CHRNA9: variants seen among roughly 807,000 people sequenced by gnomAD.
CHRNA9 encodes the protein cholinergic receptor nicotinic alpha 9 subunit.
Under a neutral mutation model 36.8 loss-of-function variants are expected in CHRNA9, and 24 were observed. The ratio of observed to expected loss-of-function variants is 0.65; its 90% CI spans 0.47 to 0.92. The LOEUF is 0.92. CHRNA9 is among the 40% of genes least tolerant of loss of function. The probability of loss-of-function intolerance (pLI) is 0.00; values close to 1 mark genes in which losing one functional copy is unlikely to be tolerated. For missense variants in CHRNA9, 610 were observed against 601.2 expected (o/e 1.01, Z -0.15); for synonymous variants, 231 against 231.8 (o/e 1.00, Z 0.03).
chr4:40,352,515 G>A (rs867645581), intron 4 of CHRNA9, among the ~76,000 whole-genome samples: 12 of 152,228 alleles, frequency 7.9e-5, no homozygotes, highest in South Asian at 2.1e-4. Context: ...GTGAGCCACC[G>A]TGCCCGACTA....
rs745853250 is a variant in CHRNA9 at position 40,349,240 on chromosome 4, G to A, written c.724G>A (p.Val242Ile). ...LLKRRSSFYIVNLLIPCVLIS... is the reference protein window; with the variant it reads ...LLKRRSSFYIINLLIPCVLIS... ...GAAGAGGAGGTCCTCGTTCTATATC[G>A]TCAACCTCCTCATCCCATGCGTCCT... The change falls in exon 4 of 5, where the codon GTC (valine) becomes ATC (isoleucine). Residue 242 changes from valine to isoleucine, a missense_variant. By Grantham distance (29) the Val-to-Ile change is conservative. Transcript: ENST00000310169. 26 of 1,613,946 alleles carry A rather than the reference G, an allele frequency of 1.6e-5. No homozygotes were observed. The highest frequency in any genetic ancestry group is 2.7e-5 in the African/African-American group (2 of 74,876).
At chr4:40,341,829 T>C (rs1053973891) in intron 3 of CHRNA9, among the ~76,000 whole-genome samples, 1 of 152,240 alleles carries the variant, frequency 6.6e-6, no homozygotes, top group Non-Finnish European at 1.5e-5. Flanking sequence ...AGACCCTCCA[T>C]GTGTAACAAA....
intron 4 of CHRNA9, among the ~76,000 whole-genome samples, chr4:40,352,456 C>T (rs975978704): frequency 4.6e-5 from 7 of 152,168 alleles, no homozygotes; most frequent in African/African-American, 1.7e-4. Context: ...AACTCCTGAC[C>T]TCAAGTGATC....
rs146690249 is a variant in CHRNA9, at chr4:40,344,036, T to C, written c.366-4846T>C. ...TAAGAGGGAGATGAGATGGCCAGAA[T>C]AGGCGATACCACAAAGGAAGCAGAG... On this transcript the variant is annotated intron_variant, in intron 3 of 4. Coordinates refer to ENST00000310169, the MANE Select transcript of CHRNA9 (RefSeq NM_017581.4). 3.5e-3 allele frequency among the ~76,000 whole-genome samples: 537 copies of C among 152,210 alleles called. 5 individuals carry two copies. The highest frequency in any genetic ancestry group is 0.012 in the African/African-American group (517 of 41,536).
At chr4:40,349,717 T>A in intron 4 of CHRNA9, 1 of 291,374 alleles carries the variant, frequency 3.4e-6, no homozygotes, top group Non-Finnish European at 6.4e-6. Flanking sequence ...CCTGGGAACT[T>A]ATAGAAACAC....
chr4:40,336,975 T>A (rs1414475327), intron 2 of CHRNA9, among the ~76,000 whole-genome samples: 1 of 152,162 alleles, frequency 6.6e-6, no homozygotes, highest in Non-Finnish European at 1.5e-5. Flanking sequence ...TGCAAAGATA[T>A]CAATACTAAA....
chr4:40,354,820 C>A lies in CHRNA9; in HGVS notation c.*300C>A, dbSNP rs889848486. ...TTTACCTCTTTGGCAGTACAGATAA[C>A]AAAATACACTTTACTGGTAAAATTT... On this transcript the variant is annotated 3_prime_UTR_variant, in exon 5 of 5. Coordinates refer to ENST00000310169, the MANE Select transcript of CHRNA9 (RefSeq NM_017581.4). 1.3e-5 allele frequency: 3 copies of A among 234,368 alleles called. No homozygotes were observed. Among genetic ancestry groups the A allele is most frequent in the Non-Finnish European group, 2.5e-5 (3 of 120,126 alleles). 14.5% of individuals were successfully genotyped at this position (234,368 alleles called of 1,614,324 possible). A position where few individuals can be genotyped will look rare whatever the true frequency, so the allele number is the denominator to read the frequency against.
chr4:40,353,017 C>G (rs898470986), intron 4 of CHRNA9, among the ~76,000 whole-genome samples: 1 of 152,198 alleles, frequency 6.6e-6, no homozygotes, highest in Non-Finnish European at 1.5e-5. Flanking sequence ...TACGCCTCCT[C>G]ATATTCCTGC....
intron 3 of CHRNA9, among the ~76,000 whole-genome samples, chr4:40,342,166 T>A (rs1369901527): frequency 6.6e-6 from 1 of 152,224 alleles, no homozygotes; most frequent in Non-Finnish European, 1.5e-5. Flanking sequence ...GGCCAGCTTA[T>A]GTATCTATCT....
chr4:40,343,744 G>A (rs544006067), intron 3 of CHRNA9, among the ~76,000 whole-genome samples: 1 of 152,236 alleles, frequency 6.6e-6, no homozygotes, highest in African/African-American at 2.4e-5. Flanking sequence ...TGTTTTAGTT[G>A]AGAACAAGAA....
At chr4:40,348,219 T>C (rs1193469704) in intron 3 of CHRNA9, 1 of 152,410 alleles carries the variant, frequency 6.6e-6, no homozygotes, top group Non-Finnish European at 1.5e-5. Flanking sequence ...TGACCAACAC[T>C]TCCTCTGCCT....
chr4:40,340,017 G>C (rs1235815002), intron 3 of CHRNA9, among the ~76,000 whole-genome samples: 1 of 152,100 alleles, frequency 6.6e-6, no homozygotes, highest in Non-Finnish European at 1.5e-5. Context: ...CAGAACGGTG[G>C]TCCCCCTCTC....
intron 2 of CHRNA9, 63 bp downstream of exon 2, chr4:40,336,035 T>C: frequency 7.3e-7 from 1 of 1,374,404 alleles, no homozygotes. Context: ...CCATGCTTTC[T>C]GAAGAGAATG....
At chr4:40,338,701 G>A (rs1295901188) in intron 3 of CHRNA9, among the ~76,000 whole-genome samples, 1 of 146,270 alleles carries the variant, frequency 6.8e-6, no homozygotes, top group Non-Finnish European at 1.5e-5. Flanking sequence ...TCATAGCCCT[G>A]TTTTTCTGTC....
At chr4:40,336,053 T>G in intron 2 of CHRNA9, 81 bp downstream of exon 2, 1 of 1,251,568 alleles carries the variant, frequency 8.0e-7, no homozygotes, top group Non-Finnish European at 1.1e-6. Context: ...ATGTCTTAAC[T>G]GGGAATTTGA....
chr4:40,337,562 C>T (rs909523521), intron 3 of CHRNA9, among the ~76,000 whole-genome samples, 198 bp downstream of exon 3: 1 of 152,184 alleles, frequency 6.6e-6, no homozygotes, highest in African/African-American at 2.4e-5. Flanking sequence ...TGGAAAGAAA[C>T]CATCCATCTA....
intron 4 of CHRNA9, 113 bp from the exon 5 acceptor site, chr4:40,353,866 A>C: frequency 2.0e-6 from 2 of 999,250 alleles, no homozygotes; most frequent in East Asian, 4.8e-5. Flanking sequence ...CAACAGCAAA[A>C]TCACCTAATG....
chr4:40,342,095 C>T lies in CHRNA9; in HGVS notation c.365+4731C>T, dbSNP rs116144215. ...GCAGTTTTAATGGTTGGATTTTAGA[C>T]CTGGTGAGGAACTGGGTGCCCTATT... On this transcript the variant is annotated intron_variant, in intron 3 of 4. Coordinates refer to ENST00000310169, the MANE Select transcript of CHRNA9 (RefSeq NM_017581.4). 6.2e-3 allele frequency among the ~76,000 whole-genome samples: 942 copies of T among 152,222 alleles called. 10 individuals carry two copies. Among genetic ancestry groups the T allele is most frequent in the African/African-American group, 0.022 (903 of 41,520 alleles).
intron 3 of CHRNA9, among the ~76,000 whole-genome samples, chr4:40,343,086 C>A (rs1307428466): frequency 5.3e-5 from 8 of 152,216 alleles, no homozygotes; most frequent in Non-Finnish European, 7.3e-5. Context: ...CTGGGCGACT[C>A]TCCCTGCTCC....
Sources: allele counts gnomAD v4.1 joint callset (sites outside exome capture counted in the v4.1 genomes callset), GRCh38; gene constraint gnomAD v4.1.1; transcripts MANE v1.5; gene names NCBI Gene and HGNC (gene_info 2026-07-23, HGNC 2026-07-21).